ADA2: variants seen among roughly 807,000 people sequenced by gnomAD.
ADA2 encodes adenosine deaminase 2, also known as adenosine deaminase CECR1.
A neutral mutation model predicts 44.2 loss-of-function variants in ADA2; 29 were observed. The ratio of observed to expected loss-of-function variants is 0.66; its 90% CI spans 0.49 to 0.89. The LOEUF (loss-of-function observed/expected upper bound fraction) is 0.89, where lower values mean the gene tolerates loss of function less well. Ranked by LOEUF, ADA2 falls within the 40% of genes least tolerant of loss-of-function variation. The pLI is 0.00. For synonymous variants in ADA2, 215 were observed against 234.9 expected, an observed-to-expected ratio of 0.92 and a Z score of 0.77; for missense variants, 637 against 644.8, an observed-to-expected ratio of 0.99 and a Z score of 0.13.
chr22:17,195,358 A>G (rs756648049), intron 4 of ADA2, among the ~76,000 whole-genome samples: 86 of 151,984 alleles, frequency 5.7e-4, no homozygotes, highest in South Asian at 1.2e-3. Context: ...GTGAAACCTC[A>G]TCTCTACTAA....
chr22:17,192,055 G>C (rs1159643879), intron 4 of ADA2, among the ~76,000 whole-genome samples: 1 of 152,066 alleles, frequency 6.6e-6, no homozygotes, highest in East Asian at 1.9e-4. Flanking sequence ...GGGGTCAGGG[G>C]ACCCACAAAA....
At chr22:17,215,366 CGAGGCAG>C (rs142801373) in intron 1 of ADA2, among the ~76,000 whole-genome samples, 19,295 of 151,934 alleles carry the variant, frequency 0.13, 1,474 homozygotes, top group Middle Eastern at 0.2. Flanking sequence ...TTTGGGAGGC[CGAGGCAG>C]GAGGCAGGTG....
intron 4 of ADA2, among the ~76,000 whole-genome samples, chr22:17,198,332 C>T (rs2062220079): frequency 6.6e-6 from 1 of 152,086 alleles, no homozygotes; most frequent in Non-Finnish European, 1.5e-5. Context: ...TGCTAGGGTG[C>T]GATATACAGC....
chr22:17,188,897 C>T (rs1222104142), intron 6 of ADA2, among the ~76,000 whole-genome samples: 2 of 102,874 alleles, frequency 1.9e-5, no homozygotes, highest in African/African-American at 3.4e-5. Context: ...TTTGTAAAGA[C>T]GGGGTCTCAC....
upstream of ADA2, among the ~76,000 whole-genome samples, chr22:17,220,379 T>C (rs2062514504): frequency 6.6e-6 from 1 of 152,114 alleles, no homozygotes; most frequent in African/African-American, 2.4e-5. Context: ...GCCTTAGCAC[T>C]GTAGCAGTGG....
At chr22:17,184,739 G>A (rs2062015477) in intron 7 of ADA2, among the ~76,000 whole-genome samples, 1 of 150,388 alleles carries the variant, frequency 6.6e-6, no homozygotes, top group Non-Finnish European at 1.5e-5. Flanking sequence ...GCCAGCCATG[G>A]GCAACATAGA....
At chr22:17,196,910 T>C (rs995305085) in intron 4 of ADA2, among the ~76,000 whole-genome samples, 32 of 152,212 alleles carry the variant, frequency 2.1e-4, no homozygotes, top group East Asian at 1.3e-3. Context: ...TGGTGGCTTA[T>C]GCCTGTAATC....
At chr22:17,205,315 C>T (rs1002024599) in intron 3 of ADA2, among the ~76,000 whole-genome samples, 2 of 152,006 alleles carry the variant, frequency 1.3e-5, no homozygotes, top group African/African-American at 2.4e-5. Flanking sequence ...CCACCACACC[C>T]GGCCACCAGG....
intron 7 of ADA2, among the ~76,000 whole-genome samples, chr22:17,184,501 A>G (rs1394913483): frequency 1.3e-5 from 2 of 152,216 alleles, no homozygotes; most frequent in African/African-American, 4.8e-5. Flanking sequence ...CAAGTGGGGC[A>G]GAATCACCCA....
Position 17,199,815 on chromosome 22 carries a change from G to A in ADA2, c.753+3748C>T. The A allele has an allele frequency of 3.8e-6, 5 of 1,331,272 alleles. No homozygotes were observed. In the South Asian group the frequency reaches 4.6e-5, roughly 12 times the overall value. 82.5% of individuals were successfully genotyped at this position (1,331,272 alleles called of 1,614,324 possible). On this transcript the variant is annotated intron_variant, in intron 4 of 9. Coordinates refer to ENST00000399837, the MANE Select transcript of ADA2 (RefSeq NM_001282225.2). Reference sequence around the variant, plus strand: ...ATGAATTAATAGCTGGGCATGGCTCGCGTCTGTAATCCTAGTACTTTGGGA... The same window carrying A: ...ATGAATTAATAGCTGGGCATGGCTCACGTCTGTAATCCTAGTACTTTGGGA...
At chr22:17,221,329 G>T (rs1189245767), upstream of ADA2, among the ~76,000 whole-genome samples, 1 of 151,884 alleles carries the variant, frequency 6.6e-6, no homozygotes, top group East Asian at 1.9e-4. Context: ...GGGTACATGT[G>T]CACAATGTGC....
Position 17,207,198 on chromosome 22 carries a change from T to A in ADA2, c.415A>T (p.Thr139Ser). 6.2e-7 allele frequency: 1 copy of A among 1,613,898 alleles called. No individual in the cohort carries two copies. The highest frequency in any genetic ancestry group is 8.5e-7 in the Non-Finnish European group (1 of 1,179,896). The change falls in exon 3 of 10, where the codon ACC (threonine) becomes TCC (serine). Residue 139 changes from threonine (T) to serine (S), a missense_variant. Thr to Ser is a moderately conservative substitution (Grantham distance 58). Transcript: ENST00000399837. ...TYRPHCHICF[T>S]PRGIMQFRFA... ...CTGAACTGCATGATCCCCCTTGGGG[T>A]GAAACAGATGTGGCAGTGAGGCCTG... is the stretch of plus-strand genomic sequence containing the variant.
At position 17,180,758 on chromosome 22, in the gene ADA2, A is replaced by G. The variant is rs1568964453; in HGVS notation, c.*725T>C. ...AAATGTGGGAATCATTAACAAATAA[A>G]TGGTATGAAAAAGCAAAGGAATGGA... On this transcript the variant is annotated 3_prime_UTR_variant, in exon 10 of 10. Transcript: ENST00000399837. The G allele has an allele frequency of 6.6e-6, 1 of 152,268 alleles. No homozygotes were observed. The highest frequency in any genetic ancestry group is 1.5e-5 in the Non-Finnish European group (1 of 68,070). The allele number at this position is 152,268 out of a possible 1,614,324, so 9.4% of individuals were successfully genotyped here.
Position 17,199,596 on chromosome 22 carries a change from G to A in ADA2, c.753+3967C>T, listed in dbSNP as rs757759335. On this transcript the variant is annotated intron_variant, in intron 4 of 9. Transcript: ENST00000399837. The stretch of plus-strand genomic sequence containing the variant: ...GAATCCATCTCCCCTCCGGAAAAAG[G>A]AAAATTGAAGCCAGATGCTCTCTGG... 4 of 1,614,118 alleles carry A rather than the reference G, an allele frequency of 2.5e-6. No individual in the cohort carries two copies. In the South Asian group the frequency reaches 4.4e-5, roughly 18 times the overall value.
At chr22:17,202,672 C>T (rs1163616987) in intron 4 of ADA2, among the ~76,000 whole-genome samples, 2 of 152,180 alleles carry the variant, frequency 1.3e-5, no homozygotes, top group African/African-American at 2.4e-5. Flanking sequence ...CCAGCTATCT[C>T]GATGTTCTTT....
intron 4 of ADA2, among the ~76,000 whole-genome samples, chr22:17,192,343 G>A (rs1201003469): frequency 6.6e-6 from 1 of 152,138 alleles, no homozygotes; most frequent in Non-Finnish European, 1.5e-5. Context: ...CACGGGGGGA[G>A]AGGATGAAAG....
At chr22:17,202,563 G>C (rs1456678304) in intron 4 of ADA2, among the ~76,000 whole-genome samples, 2 of 152,056 alleles carry the variant, frequency 1.3e-5, no homozygotes, top group African/African-American at 4.8e-5. Flanking sequence ...CAATGCACCT[G>C]GCCTCCCCTC....
chr22:17,191,893 C>T (rs1317273958), intron 4 of ADA2, 83 bp from the exon 5 acceptor site: 1 of 1,427,470 alleles, frequency 7.0e-7, no homozygotes, highest in Non-Finnish European at 9.4e-7. Flanking sequence ...CCCAGCCACC[C>T]CTGGCCAGCC....
At chr22:17,199,442 C>CCCCTCCCTCCCCTCCACTATACTCTTA in intron 4 of ADA2, 1 of 1,022,720 alleles carries the variant, frequency 9.8e-7, no homozygotes, top group Non-Finnish European at 1.5e-6. Context: ...CTATCCTCTT[C>CCCCTCCCTCCCCTCCACTATACTCTTA]CCCTCCACCC....
Sources: allele counts gnomAD v4.1 joint callset (sites outside exome capture counted in the v4.1 genomes callset), GRCh38; gene constraint gnomAD v4.1.1; transcripts MANE v1.5; gene names NCBI Gene and HGNC (gene_info 2026-07-23, HGNC 2026-07-21).